The following ZNF831 variants were observed in gnomAD, a reference collection of about 807,000 sequenced individuals.
ZNF831 encodes the protein chromosome 20 open reading frame 174.
In ZNF831, 59 loss-of-function variants were observed where a neutral mutation model predicts 95.8. That is an observed-to-expected ratio of 0.62 (90% CI 0.50 to 0.77). ZNF831 has a LOEUF of 0.77. Among genes scored for constraint, ZNF831 ranks in the 30% least tolerant of loss-of-function variants. The probability of loss-of-function intolerance (pLI) is 0.00; values close to 1 mark genes in which losing one functional copy is unlikely to be tolerated. For synonymous variants in ZNF831, 961 were observed against 925.5 expected (o/e 1.04, Z -0.70); for missense variants, 2,205 against 2,164.0 (o/e 1.02, Z -0.38).
At chr20:59,172,526 G>T (rs575640230) in intron 1 of ZNF831, among the ~76,000 whole-genome samples, 1 of 152,292 alleles carries the variant, frequency 6.6e-6, no homozygotes, top group South Asian at 2.1e-4. Context: ...GGGTCTTCTT[G>T]AGGCATGCCG....
intron 2 of ZNF831, among the ~76,000 whole-genome samples, chr20:59,148,791 T>TGG (rs1980047655): frequency 7.0e-6 from 1 of 143,586 alleles, no homozygotes; most frequent in African/African-American, 2.6e-5. Flanking sequence ...AATTCCATCC[T>TGG]GTCACCCAGC....
rs1343570599 is a variant in ZNF831 at position 59,192,521 on chromosome 20, T to A, written c.1502T>A (p.Val501Asp). The A allele has an allele frequency of 6.5e-7, 1 of 1,534,112 alleles. No homozygotes were observed. The highest frequency in any genetic ancestry group is 8.8e-7 in the Non-Finnish European group (1 of 1,142,530). Residue 501 changes from valine to aspartate, a missense_variant, in exon 2 of 6, where the codon GTC becomes GAC. By Grantham distance (152) the Val-to-Asp change is radical. Coordinates refer to ENST00000371030, the MANE Select transcript of ZNF831 (RefSeq NM_178457.3). The surrounding 1 kb of genome is among the most constrained non-coding windows in gnomAD (Gnocchi z 5.2). The stretch of plus-strand genomic sequence containing the variant: ...TCCACCACCGTGGAATGTGTCCCCG[T>A]CACCAGGAGCAACTCGCTGCCCTTC... Reference protein sequence around the residue: ...QLSTTVECVPVTRSNSLPFVE... With the variant: ...QLSTTVECVPDTRSNSLPFVE...
chr20:59,177,850 G>C (rs966732289), intron 1 of ZNF831, among the ~76,000 whole-genome samples: 1 of 152,158 alleles, frequency 6.6e-6, no homozygotes, highest in Non-Finnish European at 1.5e-5. Flanking sequence ...TGGAGTTGAG[G>C]AGTGGAGAAA....
chr20:59,182,562 C>G (rs370416002), intron 1 of ZNF831, among the ~76,000 whole-genome samples: 1 of 151,932 alleles, frequency 6.6e-6, no homozygotes, highest in East Asian at 1.9e-4. Context: ...CTTGCCAAAG[C>G]CAACCTGACA....
chr20:59,191,154 G>T lies in ZNF831; in HGVS notation c.135G>T (p.Glu45Asp). The T allele has an allele frequency of 6.2e-7, 1 of 1,601,796 alleles. No individual in the cohort carries two copies. Residue 45 changes from glutamate to aspartate, a missense_variant, in exon 2 of 6, where the codon GAG (glutamate) becomes GAT (aspartate). Coordinates refer to ENST00000371030, the MANE Select transcript of ZNF831 (RefSeq NM_178457.3). ...TGGGCCCTGTCCTTCTGCCGCCAGA[G>T]CAGGGCCTGGCCCCCCCCACTGTGT... ...LTLGPVLLPP[E>D]QGLAPPTVFL...
At chr20:59,234,812 G>C (rs1158816125) in intron 4 of ZNF831, among the ~76,000 whole-genome samples, 1 of 152,204 alleles carries the variant, frequency 6.6e-6, no homozygotes, top group East Asian at 1.9e-4. Context: ...CAGAAAAGTT[G>C]TAAAGATACT....
intron 1 of ZNF831, among the ~76,000 whole-genome samples, chr20:59,175,222 T>C (rs1200965814): frequency 6.1e-5 from 4 of 66,114 alleles, no homozygotes; most frequent in African/African-American, 1.3e-4. Flanking sequence ...GGGTTTATCC[T>C]GGTGGTGGGG....
At chr20:59,203,519 CAGA>C (rs1450784800) in intron 3 of ZNF831, among the ~76,000 whole-genome samples, 1 of 152,158 alleles carries the variant, frequency 6.6e-6, no homozygotes, top group African/African-American at 2.4e-5. Context: ...CATATAAAAA[CAGA>C]AGAAGAATAC....
In ZNF831 at chr20:59,169,278, T is replaced by C. The variant is rs1981539785; in HGVS notation, c.-37+5071T>C. ...CTGTTTCCCATTAGGTGGATCATGG[T>C]AGTTTGCGCTTTTTGAGGAATTGGT... is the stretch of plus-strand genomic sequence containing the variant. On this transcript the variant is annotated intron_variant, in intron 1 of 5. Transcript: ENST00000371030. This position sits in a 1 kb window ranked among gnomAD's most constrained non-coding sequence, Gnocchi z 4.1. 1.3e-5 allele frequency among the ~76,000 whole-genome samples: 2 copies of C among 152,208 alleles called. No individual in the cohort carries two copies. The highest frequency in any genetic ancestry group is 1.3e-4 in the Admixed American group (2 of 15,282).
intron 1 of ZNF831, among the ~76,000 whole-genome samples, chr20:59,142,572 A>C (rs533598952): frequency 1.6e-4 from 24 of 152,354 alleles, no homozygotes; most frequent in African/African-American, 5.5e-4. Context: ...CACATCACAG[A>C]ATCAGCAAGC....
At chr20:59,224,249 G>A (rs988441129) in intron 4 of ZNF831, among the ~76,000 whole-genome samples, 24 of 152,176 alleles carry the variant, frequency 1.6e-4, no homozygotes, top group Admixed American at 1.4e-3. Flanking sequence ...CTTCTCACCA[G>A]CCCAGGTACC....
At chr20:59,186,716 G>A (rs916655390) in intron 1 of ZNF831, among the ~76,000 whole-genome samples, 4 of 152,188 alleles carry the variant, frequency 2.6e-5, no homozygotes, top group African/African-American at 4.8e-5. Context: ...CGTTCTGGCA[G>A]CTACCTGTTA....
At chr20:59,204,990 AG>A (rs1984786556) in intron 3 of ZNF831, among the ~76,000 whole-genome samples, 1 of 152,182 alleles carries the variant, frequency 6.6e-6, no homozygotes, top group African/African-American at 2.4e-5. Context: ...GAAGGCAAAA[AG>A]TTTGAAATTC....
At position 59,206,948 on chromosome 20, in the gene ZNF831, A is replaced by T. The variant is rs1429368713; in HGVS notation, c.3919A>T (p.Ser1307Cys). 6.2e-7 allele frequency: 1 copy of T among 1,614,232 alleles called. No homozygotes were observed. The highest frequency in any genetic ancestry group is 2.2e-5 in the East Asian group (1 of 44,886). ...GCAGAGCTGTGTTCAGCTGAGAGCC[A>T]GTAGACTTCGCACACCAACCTGGGT... ...FLQSCVQLRA[S>C]RLRTPTWVRR... The change falls in exon 4 of 6, where the codon AGT (serine) becomes TGT (cysteine). Residue 1307 changes from serine (S) to cysteine (C), a missense_variant. Coordinates refer to ENST00000371030, the MANE Select transcript of ZNF831 (RefSeq NM_178457.3).
At chr20:59,160,983 CT>C (rs1160854077), upstream of ZNF831, 1 of 152,078 alleles carries the variant, frequency 6.6e-6, no homozygotes, top group African/African-American at 2.4e-5. Context: ...AATGATTTTT[CT>C]TTTTCTTTGG....
intron 1 of ZNF831, among the ~76,000 whole-genome samples, chr20:59,187,351 C>G (rs1319117542): frequency 1.3e-5 from 2 of 152,024 alleles, no homozygotes; most frequent in African/African-American, 4.8e-5. Flanking sequence ...AAAGGGGACC[C>G]CAGAGAGCTC....
intron 4 of ZNF831, among the ~76,000 whole-genome samples, chr20:59,234,256 T>A (rs1986885285): frequency 6.6e-6 from 1 of 152,240 alleles, no homozygotes; most frequent in Non-Finnish European, 1.5e-5. Context: ...TGCTTCATAA[T>A]AAGCAATAAA....
chr20:59,249,701 C>T lies in ZNF831; in HGVS notation c.4028-3277C>T, dbSNP rs146526203. On this transcript the variant is annotated intron_variant, in intron 4 of 5. Coordinates refer to ENST00000371030, the MANE Select transcript of ZNF831 (RefSeq NM_178457.3). ...CTTTCCCAAACTGTGCACTTCTCTACGGATTTTCAAAGTTGATTTGCTCAG... is the reference window on the plus strand; with the variant it reads ...CTTTCCCAAACTGTGCACTTCTCTATGGATTTTCAAAGTTGATTTGCTCAG... Among the ~76,000 whole-genome samples, 18 of 152,150 alleles carry T rather than the reference C, an allele frequency of 1.2e-4. 1 individual carries two copies. Among genetic ancestry groups the T allele is most frequent in the South Asian group, 6.2e-4 (3 of 4,822 alleles).
intron 1 of ZNF831, among the ~76,000 whole-genome samples, chr20:59,135,302 C>T (rs1456934931): frequency 1.3e-5 from 2 of 152,172 alleles, no homozygotes; most frequent in Non-Finnish European, 2.9e-5. Flanking sequence ...AAGAAGTTGG[C>T]AGAGCTGGGT....
Sources: gnomAD v4.1 joint callset for allele counts (sites outside exome capture counted in the v4.1 genomes callset) on GRCh38, gnomAD v4.1.1 for gene constraint, Gnocchi (gnomAD v3.1) non-coding constraint, MANE v1.5 for transcripts, NCBI Gene and HGNC (gene_info 2026-07-23, HGNC 2026-07-21) for gene names.